The following FAM151B variants were observed in gnomAD, a reference collection of about 807,000 sequenced individuals.
FAM151B encodes the protein protein FAM151B.
A neutral mutation model predicts 31.2 loss-of-function variants in FAM151B; 24 were observed. That is an observed-to-expected ratio of 0.77 (90% CI 0.56 to 1.08). FAM151B has a LOEUF of 1.08. Ranked by LOEUF, FAM151B falls within the 50% of genes least tolerant of loss-of-function variation. The pLI is 0.00. For synonymous variants in FAM151B, 105 were observed against 111.4 expected (o/e 0.94, Z 0.36); for missense variants, 293 against 328.6 (o/e 0.89, Z 0.84).
chr5:80,494,456 TTTTCTTTCTTTCTTTC>T (rs3043120), intron 1 of FAM151B, among the ~76,000 whole-genome samples: 1,764 of 82,630 alleles, frequency 0.021, 52 homozygotes, highest in African/African-American at 0.026. Flanking sequence ...TCTTTCTTTC[TTTTCTTTCTTTCTTTC>T]TTTCTTTCTT....
chr5:80,537,446 A>G (rs938996936), intron 5 of FAM151B, among the ~76,000 whole-genome samples: 7 of 152,198 alleles, frequency 4.6e-5, no homozygotes, highest in Non-Finnish European at 8.8e-5. Flanking sequence ...CAATGCGTCT[A>G]TTCTCAGATT....
intron 5 of FAM151B, among the ~76,000 whole-genome samples, chr5:80,531,360 G>A (rs192205395): frequency 2.6e-5 from 4 of 152,156 alleles, no homozygotes; most frequent in Non-Finnish European, 5.9e-5. Context: ...CAAAAGCAAT[G>A]GCAACAAAAG....
At chr5:80,538,472 T>TTC (rs1745679694) in intron 5 of FAM151B, among the ~76,000 whole-genome samples, 15 of 116,650 alleles carry the variant, frequency 1.3e-4, no homozygotes, top group Admixed American at 3.5e-4. Context: ...CTTTCTTTCT[T>TTC]TCTTTCTTTC....
chr5:80,538,563 TCC>T (rs1745708797), intron 5 of FAM151B, among the ~76,000 whole-genome samples: 1 of 135,908 alleles, frequency 7.4e-6, no homozygotes, highest in Admixed American at 7.5e-5. Flanking sequence ...CTTCCTTCCT[TCC>T]TTCCTTCCCT....
intron 2 of FAM151B, among the ~76,000 whole-genome samples, chr5:80,505,749 ATTTTTTTTTT>A (rs386404255): frequency 1.0e-4 from 8 of 77,884 alleles, no homozygotes; most frequent in Non-Finnish European, 1.8e-4. Flanking sequence ...TCCTATAAGA[ATTTTTTTTTT>A]TTTTTTTTTT....
chr5:80,500,363 C>A lies in FAM151B; in HGVS notation c.26-1429C>A, dbSNP rs888423358. The A allele has an allele frequency of 7.0e-6, 8 of 1,150,826 alleles. No homozygotes were observed. In the African/African-American group the frequency reaches 1.1e-4, roughly 15 times the overall value. 71.3% of individuals were successfully genotyped at this position (1,150,826 alleles called of 1,614,324 possible). On this transcript the variant is annotated intron_variant, in intron 1 of 5. Coordinates refer to ENST00000282226, the MANE Select transcript of FAM151B (RefSeq NM_205548.3). The stretch of plus-strand genomic sequence containing the variant: ...GGGTGTAGAAGAGAAAGAGAAGGTT[C>A]CTGCTGTGCCAGAAACCCTTAAGAA...
At chr5:80,498,674 C>T (rs1743634816) in intron 1 of FAM151B, 2 of 646,340 alleles carry the variant, frequency 3.1e-6, no homozygotes, top group African/African-American at 1.8e-5. Flanking sequence ...TCTCTTCCAC[C>T]TTATAGTATT....
chr5:80,517,488 GTT>G (rs888337566), intron 3 of FAM151B, among the ~76,000 whole-genome samples: 1 of 152,062 alleles, frequency 6.6e-6, no homozygotes, highest in Non-Finnish European at 1.5e-5. Context: ...ACTTCGTCAA[GTT>G]TTAGAAAATA....
chr5:80,531,794 A>G (rs574156124), intron 5 of FAM151B, among the ~76,000 whole-genome samples: 12 of 152,294 alleles, frequency 7.9e-5, no homozygotes, highest in African/African-American at 2.6e-4. Flanking sequence ...TGGTGGGACT[A>G]TAAACTAGTT....
chr5:80,526,453 C>CAAA (rs35345817), intron 5 of FAM151B, among the ~76,000 whole-genome samples: 2 of 127,044 alleles, frequency 1.6e-5, no homozygotes, highest in African/African-American at 2.9e-5. Context: ...TACTAAAGTC[C>CAAA]AAAAAAAAAA....
rs1312704204 is a variant in FAM151B, at chr5:80,495,825, C to T, written c.26-5967C>T. Among the ~76,000 whole-genome samples, 17 of 86,182 alleles carry T rather than the reference C, an allele frequency of 2.0e-4. No homozygotes were observed. In the South Asian group the frequency reaches 3.1e-3, roughly 16 times the overall value. 56.5% of individuals were successfully genotyped at this position (86,182 alleles called of 152,430 possible). ...CAGCCTGGGCGAAAGAGCGAGACTCCGTCTCAAAAAAAAAAAAAAAAAAAA... is the reference window on the plus strand; with the variant it reads ...CAGCCTGGGCGAAAGAGCGAGACTCTGTCTCAAAAAAAAAAAAAAAAAAAA... On this transcript the variant is annotated intron_variant, in intron 1 of 5. Transcript: ENST00000282226.
At chr5:80,514,821 A>G (rs1744346347) in intron 3 of FAM151B, among the ~76,000 whole-genome samples, 1 of 152,214 alleles carries the variant, frequency 6.6e-6, no homozygotes, top group African/African-American at 2.4e-5. Context: ...ACCATTTGTT[A>G]TGGGGCAAAA....
chr5:80,538,546 T>A (rs1745705411), intron 5 of FAM151B, among the ~76,000 whole-genome samples: 2 of 137,078 alleles, frequency 1.5e-5, no homozygotes, highest in South Asian at 4.9e-4. Flanking sequence ...CCTTCCTTCC[T>A]TCCTTCCTTC....
At chr5:80,539,225 T>C (rs1255506475) in intron 5 of FAM151B, among the ~76,000 whole-genome samples, 2 of 152,152 alleles carry the variant, frequency 1.3e-5, no homozygotes, top group Non-Finnish European at 2.9e-5. Flanking sequence ...ACTCTTAAGA[T>C]ATTTTTGTCT....
chr5:80,533,542 A>G (rs1319545132), intron 5 of FAM151B, among the ~76,000 whole-genome samples: 4 of 152,086 alleles, frequency 2.6e-5, no homozygotes, highest in African/African-American at 9.7e-5. Context: ...ACCTGAGGTC[A>G]GGAGTTTGAG....
Position 80,501,773 on chromosome 5 carries a change from G to A in FAM151B, c.26-19G>A. ...TATAAAAAACAATATCACTTTTCAT[G>A]TAAACACTGTTATTTTAGGATCTTG... On this transcript the variant is annotated intron_variant, in intron 1 of 5. Transcript: ENST00000282226. 6.4e-7 allele frequency: 1 copy of A among 1,559,230 alleles called. No individual in the cohort carries two copies. Among genetic ancestry groups the A allele is most frequent in the South Asian group, 1.2e-5 (1 of 83,102 alleles).
chr5:80,515,421 C>G (rs1313592984), intron 3 of FAM151B, among the ~76,000 whole-genome samples: 4 of 152,070 alleles, frequency 2.6e-5, no homozygotes, highest in Non-Finnish European at 4.4e-5. Context: ...TGAAGCCAGT[C>G]CAGTGTTCTC....
At chr5:80,526,307 AT>A (rs1158493691) in intron 5 of FAM151B, among the ~76,000 whole-genome samples, 3 of 152,064 alleles carry the variant, frequency 2.0e-5, no homozygotes, top group Non-Finnish European at 2.9e-5. Flanking sequence ...TTCTCTTAGC[AT>A]TTTTAATAGT....
In FAM151B at chr5:80,534,434, A is replaced by G. The variant is rs571171812; in HGVS notation, c.672-7239A>G. Among the ~76,000 whole-genome samples, 166 of 152,336 alleles carry G rather than the reference A, an allele frequency of 1.1e-3. 1 individual carries two copies. Among genetic ancestry groups the G allele is most frequent in the Admixed American group, 2.0e-3 (30 of 15,292 alleles). On this transcript the variant is annotated intron_variant, in intron 5 of 5. Transcript: ENST00000282226. ...TGACCAAGTGGGATTTATCCGAGGG[A>G]TGAAAGGATGGTTCAACACATGTAA...
Sources: gnomAD v4.1 joint callset for allele counts (sites outside exome capture counted in the v4.1 genomes callset) on GRCh38, gnomAD v4.1.1 for gene constraint, MANE v1.5 for transcripts, NCBI Gene and HGNC (gene_info 2026-07-23, HGNC 2026-07-21) for gene names.